C3orf70: variants seen among roughly 807,000 people sequenced by gnomAD.
C3orf70 encodes chromosome 3 open reading frame 70.
Under a neutral mutation model 20.7 loss-of-function variants are expected in C3orf70, and 15 were observed. The observed-to-expected ratio is 0.72, with a 90% CI of 0.48 to 1.11. The LOEUF is 1.11. C3orf70 is among the 50% of genes most tolerant of loss of function. The pLI, the probability that C3orf70 is intolerant of heterozygous loss-of-function variation, is 0.00. For synonymous variants in C3orf70, 161 were observed against 125.7 expected (o/e 1.28, Z -1.88); for missense variants, 332 against 317.6 (o/e 1.05, Z -0.34).
At chr3:185,109,873 C>T (rs745523670) in intron 1 of C3orf70, among the ~76,000 whole-genome samples, 10 of 152,204 alleles carry the variant, frequency 6.6e-5, no homozygotes, top group East Asian at 1.9e-4. Flanking sequence ...AAATAATGAA[C>T]GTACTTGTTT....
intron 1 of C3orf70, among the ~76,000 whole-genome samples, chr3:185,103,962 A>G (rs1406260549): frequency 6.6e-6 from 1 of 152,200 alleles, no homozygotes; most frequent in Non-Finnish European, 1.5e-5. Context: ...AACAAGAGAA[A>G]GGGTGCTTTG....
intron 1 of C3orf70, among the ~76,000 whole-genome samples, chr3:185,111,342 T>C (rs765642152): frequency 1.3e-5 from 2 of 152,178 alleles, no homozygotes; most frequent in Non-Finnish European, 2.9e-5. Context: ...CAGTCATATA[T>C]ATGGCAAAAG....
chr3:185,148,169 C>T (rs2108608336), intron 1 of C3orf70, among the ~76,000 whole-genome samples: 1 of 152,336 alleles, frequency 6.6e-6, no homozygotes, highest in African/African-American at 2.4e-5. Context: ...TTCATCACAG[C>T]TACAACTGCA....
chr3:185,091,888 TACACACATACACAC>T lies in C3orf70; in HGVS notation c.197-8339_197-8326del, dbSNP rs1210324392. 1.9e-3 allele frequency among the ~76,000 whole-genome samples: 218 copies of T among 113,214 alleles called. 19 individuals carry two copies. Among genetic ancestry groups the T allele is most frequent in the African/African-American group, 6.6e-3 (214 of 32,472 alleles). 74.3% of individuals were successfully genotyped at this position (113,214 alleles called of 152,430 possible). A position where few individuals can be genotyped will look rare whatever the true frequency, so the allele number is the denominator to read the frequency against. On this transcript the variant is annotated intron_variant, in intron 1 of 1. Transcript: ENST00000335012. Reference sequence around the variant, plus strand: ...ATTATATATATATATATAATATATATACACACATACACACACACACATACATATATATATATATA... The same window carrying T: ...ATTATATATATATATATAATATATATACACACATACATATATATATATATA...
chr3:185,148,266 G>A (rs1006244594), intron 1 of C3orf70, among the ~76,000 whole-genome samples: 7 of 151,984 alleles, frequency 4.6e-5, no homozygotes, highest in African/African-American at 1.2e-4. Context: ...ATTGCCTACC[G>A]ACATCACCAT....
intron 1 of C3orf70, among the ~76,000 whole-genome samples, chr3:185,126,994 T>C (rs1716425012): frequency 1.3e-5 from 2 of 152,228 alleles, no homozygotes; most frequent in South Asian, 2.1e-4. Context: ...AAATCCACTT[T>C]ACTGTCTCAG....
chr3:185,081,907 C>G lies in C3orf70; in HGVS notation c.*1100G>C, dbSNP rs1017015693. On this transcript the variant is annotated 3_prime_UTR_variant, in exon 2 of 2. Transcript: ENST00000335012. The stretch of plus-strand genomic sequence containing the variant: ...TAAACCATACGAATGCTTCATACAA[C>G]CAAATGAAGCAGAATTAATCAAACC... 6.6e-6 allele frequency: 1 copy of G among 152,636 alleles called. No homozygotes were observed. The highest frequency in any genetic ancestry group is 2.4e-5 in the African/African-American group (1 of 41,458). 9.5% of individuals were successfully genotyped at this position (152,636 alleles called of 1,614,324 possible). A position where few individuals can be genotyped will look rare whatever the true frequency, so the allele number is the denominator to read the frequency against.
chr3:185,145,228 G>A (rs1716832862), intron 1 of C3orf70, among the ~76,000 whole-genome samples: 1 of 152,216 alleles, frequency 6.6e-6, no homozygotes. Context: ...TTCGGATGAA[G>A]TGAGGATTTT....
At chr3:185,124,811 TA>T (rs1277598023) in intron 1 of C3orf70, among the ~76,000 whole-genome samples, 6 of 152,072 alleles carry the variant, frequency 3.9e-5, no homozygotes, top group South Asian at 2.1e-4. Context: ...TAGAAAGAGT[TA>T]AAAAAAATTA....
Position 185,152,697 on chromosome 3 carries a change from T to C in C3orf70, c.127A>G (p.Ile43Val), listed in dbSNP as rs765796947. The C allele has an allele frequency of 4.3e-5, 69 of 1,594,324 alleles. No individual in the cohort carries two copies. Among genetic ancestry groups the C allele is most frequent in the Middle Eastern group, 1.7e-4 (1 of 6,036 alleles). The change falls in exon 1 of 2, where the codon ATC (isoleucine) becomes GTC (valine). Residue 43 changes from isoleucine to valine, a missense_variant. Coordinates refer to ENST00000335012, the MANE Select transcript of C3orf70 (RefSeq NM_001025266.3). ...TTGCCATGGCTGTGCGTGGCACAGA[T>C]AGACAGCCCGTCGCACGGCTGGAAG... ...PDFQPCDGLS[I>V]CATHSHGKCF...
At chr3:185,139,253 G>GA (rs973384464) in intron 1 of C3orf70, among the ~76,000 whole-genome samples, 5 of 151,482 alleles carry the variant, frequency 3.3e-5, no homozygotes, top group South Asian at 4.2e-4. Context: ...GAAAAAGTGG[G>GA]AAAAAATCAG....
intron 1 of C3orf70, among the ~76,000 whole-genome samples, chr3:185,109,695 T>C (rs1011880371): frequency 5.9e-5 from 9 of 152,224 alleles, no homozygotes; most frequent in African/African-American, 2.2e-4. Context: ...ATTATACTTA[T>C]TGGGCATATT....
chr3:185,130,009 T>C (rs1381973583), intron 1 of C3orf70, among the ~76,000 whole-genome samples: 1 of 152,254 alleles, frequency 6.6e-6, no homozygotes, highest in Non-Finnish European at 1.5e-5. Context: ...AGTGTATCTC[T>C]TGTAATATAA....
chr3:185,108,873 G>A (rs35563218), intron 1 of C3orf70, among the ~76,000 whole-genome samples: 9,023 of 152,238 alleles, frequency 0.059, 376 homozygotes, highest in South Asian at 0.1. Flanking sequence ...CTTTGTCTGG[G>A]CTACATGCCA....
chr3:185,110,215 T>C (rs1419441706), intron 1 of C3orf70, among the ~76,000 whole-genome samples: 1 of 152,152 alleles, frequency 6.6e-6, no homozygotes. Flanking sequence ...TAAAAAAGCA[T>C]CTAGAAAGAC....
In C3orf70 at chr3:185,078,281, T is replaced by A. The variant is rs1193095907; in HGVS notation, c.*4726A>T. ...AAAAAGTGAGGTGGACACAACGATA[T>A]AGAAGCTCAATATTAAAGCCGCTAG... On this transcript the variant is annotated 3_prime_UTR_variant, in exon 2 of 2. Coordinates refer to ENST00000335012, the MANE Select transcript of C3orf70 (RefSeq NM_001025266.3). 6.6e-6 allele frequency: 1 copy of A among 152,624 alleles called. No individual in the cohort carries two copies. Among genetic ancestry groups the A allele is most frequent in the African/African-American group, 2.4e-5 (1 of 41,440 alleles). 9.5% of individuals were successfully genotyped at this position (152,624 alleles called of 1,614,324 possible). A position where few individuals can be genotyped will look rare whatever the true frequency, so the allele number is the denominator to read the frequency against.
At chr3:185,133,580 CA>C (rs1237510293) in intron 1 of C3orf70, among the ~76,000 whole-genome samples, 1 of 151,408 alleles carries the variant, frequency 6.6e-6, no homozygotes, top group African/African-American at 2.4e-5. Flanking sequence ...CTGTCTCTAC[CA>C]AAAACACAAA....
At chr3:185,094,519 T>G (rs1404945531) in intron 1 of C3orf70, among the ~76,000 whole-genome samples, 2 of 152,112 alleles carry the variant, frequency 1.3e-5, no homozygotes, top group Non-Finnish European at 2.9e-5. Flanking sequence ...ACCCTTCCCT[T>G]GCCAAGGGAG....
At chr3:185,117,480 A>AG (rs1716205718) in intron 1 of C3orf70, among the ~76,000 whole-genome samples, 1 of 144,078 alleles carries the variant, frequency 6.9e-6, no homozygotes, top group African/African-American at 2.6e-5. Flanking sequence ...GAGAGAGAGA[A>AG]AAGCCACTGA....
Sources: allele counts gnomAD v4.1 joint callset (sites outside exome capture counted in the v4.1 genomes callset), GRCh38; gene constraint gnomAD v4.1.1; transcripts MANE v1.5; gene names NCBI Gene and HGNC (gene_info 2026-07-23, HGNC 2026-07-21).